Variants in UNC13A observed in about 807,000 individuals in gnomAD.
UNC13A encodes protein unc-13 homolog A.
A neutral mutation model predicts 219.7 loss-of-function variants in UNC13A; 61 were observed. That is an observed-to-expected ratio of 0.28 (90% CI 0.23 to 0.34). UNC13A has a LOEUF of 0.34. UNC13A is among the 10% of genes least tolerant of loss of function. The pLI, the probability that UNC13A is intolerant of heterozygous loss-of-function variation, is 1.00. For synonymous variants in UNC13A, 920 were observed against 884.6 expected, an observed-to-expected ratio of 1.04 and a Z score of -0.71; for missense variants, 1,476 against 2,270.3, an observed-to-expected ratio of 0.65 and a Z score of 7.11.
chr19:17,639,580 G>A (rs1403681164), intron 23 of UNC13A, 55 bp from the exon 24 acceptor site: 7 of 1,565,466 alleles, frequency 4.5e-6, no homozygotes, highest in African/African-American at 2.7e-5. Context: ...GGGAGGATGG[G>A]AGACTGCTTT....
rs575704007 is a variant in UNC13A at position 17,627,355 on chromosome 19, T to A, written c.3920+154A>T. ...AGTGACTCACCCAAGGCCACACAGC[T>A]AGTAAGCAGTAAAGCCAAGATTTGA... On this transcript the variant is annotated intron_variant, in intron 33 of 43. Coordinates refer to ENST00000519716, the MANE Select transcript of UNC13A (RefSeq NM_001080421.3). This position sits in a 1 kb window ranked among gnomAD's most constrained non-coding sequence, Gnocchi z 4.7. Among the ~76,000 whole-genome samples the A allele has an allele frequency of 6.6e-6, 1 of 151,810 alleles. No individual in the cohort carries two copies. The highest frequency in any genetic ancestry group is 2.1e-4 in the South Asian group (1 of 4,818).
At chr19:17,640,965 G>GC (rs1599365538) in intron 21 of UNC13A, among the ~76,000 whole-genome samples, 1 of 146,504 alleles carries the variant, frequency 6.8e-6, no homozygotes, top group South Asian at 2.1e-4. Context: ...TGCAACCCCT[G>GC]CCCCCCAGGT....
chr19:17,682,659 A>G (rs527258949), intron 1 of UNC13A, among the ~76,000 whole-genome samples: 2 of 152,208 alleles, frequency 1.3e-5, no homozygotes, highest in Non-Finnish European at 2.9e-5. Flanking sequence ...TCAGGGACTG[A>G]GTAGCCAGGA....
intron 28 of UNC13A, among the ~76,000 whole-genome samples, chr19:17,631,025 C>T (rs2076837716): frequency 8.0e-6 from 1 of 125,016 alleles, no homozygotes; most frequent in Non-Finnish European, 1.7e-5. Context: ...TGGGTTTATT[C>T]TCTGAGTCCT....
intron 1 of UNC13A, among the ~76,000 whole-genome samples, chr19:17,683,857 G>A (rs1467297804): frequency 6.6e-6 from 1 of 152,122 alleles, no homozygotes; most frequent in Non-Finnish European, 1.5e-5. Flanking sequence ...GGGAGGCTGA[G>A]GAGGGTGAAT....
chr19:17,627,619 C>CA lies in UNC13A; in HGVS notation c.3832-23dup. ...CCAGCTAAGGAGGGAGAAGGGACAC[C>CA]AGGCCAGGTTCAGTAAGTATCCACA... is the stretch of plus-strand genomic sequence containing the variant. On this transcript the variant is annotated intron_variant, in intron 32 of 43. Coordinates refer to ENST00000519716, the MANE Select transcript of UNC13A (RefSeq NM_001080421.3). The surrounding 1 kb of genome is among the most constrained non-coding windows in gnomAD (Gnocchi z 4.7). 2 of 1,545,354 alleles carry CA rather than the reference C, an allele frequency of 1.3e-6. No homozygotes were observed. The highest frequency in any genetic ancestry group is 1.8e-6 in the Non-Finnish European group (2 of 1,139,012).
intron 7 of UNC13A, among the ~76,000 whole-genome samples, chr19:17,666,199 T>TCTCTCTCTCTTTC (rs760106069): frequency 6.9e-6 from 1 of 144,060 alleles, no homozygotes; most frequent in Admixed American, 7.1e-5. Context: ...CTTTCTCTCT[T>TCTCTCTCTCTTTC]TCTTTCTCTT....
chr19:17,672,334 C>G (rs766930575), intron 4 of UNC13A, 44 bp downstream of exon 4: 2 of 1,530,762 alleles, frequency 1.3e-6, no homozygotes, highest in Admixed American at 3.4e-5. Context: ...TGGGCTTCTG[C>G]AAGGCACTCC....
chr19:17,621,187 G>A (rs114880839), intron 37 of UNC13A, among the ~76,000 whole-genome samples: 4 of 152,186 alleles, frequency 2.6e-5, no homozygotes, highest in South Asian at 4.2e-4. Flanking sequence ...TTGCAGGCAC[G>A]TACACAATTA....
intron 1 of UNC13A, among the ~76,000 whole-genome samples, chr19:17,678,019 GA>G (rs1218023043): frequency 6.6e-6 from 1 of 152,146 alleles, no homozygotes; most frequent in African/African-American, 2.4e-5. Flanking sequence ...CCTAGAAACA[GA>G]ATTGTGTTTC....
At chr19:17,640,880 C>CT (rs10531732) in intron 21 of UNC13A, among the ~76,000 whole-genome samples, 8,755 of 139,652 alleles carry the variant, frequency 0.063, 484 homozygotes, top group African/African-American at 0.14. Flanking sequence ...TTCTTTCTTT[C>CT]TTTTTTTTTT....
chr19:17,686,164 C>T (rs1327170430), intron 1 of UNC13A, among the ~76,000 whole-genome samples: 1 of 151,836 alleles, frequency 6.6e-6, no homozygotes, highest in Admixed American at 6.6e-5. Context: ...GTAAAGTCCA[C>T]AGAATCCAGC....
At position 17,609,971 on chromosome 19, in the gene UNC13A, A is replaced by T. The variant is rs1380253191; in HGVS notation, c.4780T>A (p.Trp1594Arg). ...AAGCTCTCATTGTACTTGGGAGCCCAGCTATTGTTCTTGGATTTGGTCGCA... is the reference window on the plus strand; with the variant it reads ...AAGCTCTCATTGTACTTGGGAGCCCTGCTATTGTTCTTGGATTTGGTCGCA... ...KFATKSKNNS[W>R]APKYNESFQF... Residue 1594 changes from tryptophan (W) to arginine (R), a missense_variant, in exon 43 of 44, where the codon TGG (tryptophan) becomes AGG (arginine). This residue lies in a region of UNC13A where 187 missense variants were observed against 172.3 expected (regional missense o/e 1.09). Coordinates refer to ENST00000519716, the MANE Select transcript of UNC13A (RefSeq NM_001080421.3). 1 of 1,613,888 alleles carries T rather than the reference A, an allele frequency of 6.2e-7. No homozygotes were observed. Among genetic ancestry groups the T allele is most frequent in the Non-Finnish European group, 8.5e-7 (1 of 1,179,880 alleles).
intron 16 of UNC13A, 28 bp from the exon 17 acceptor site, chr19:17,647,520 C>T: frequency 6.3e-7 from 1 of 1,598,454 alleles, no homozygotes; most frequent in Non-Finnish European, 8.5e-7. Context: ...CGGCGCTGAC[C>T]CCAGCGCGCC....
chr19:17,612,817 C>G (rs1257866691), intron 41 of UNC13A, among the ~76,000 whole-genome samples: 1 of 152,044 alleles, frequency 6.6e-6, no homozygotes. Context: ...TGCACTTCAA[C>G]CTGGGTGACA....
intron 42 of UNC13A, among the ~76,000 whole-genome samples, chr19:17,610,849 T>C (rs765768687): frequency 1.2e-4 from 18 of 152,088 alleles, no homozygotes; most frequent in Non-Finnish European, 1.8e-4. Context: ...GATACCATAG[T>C]GAGACACCAT....
chr19:17,627,319 C>T lies in UNC13A; in HGVS notation c.3920+190G>A, dbSNP rs1453103115. Among the ~76,000 whole-genome samples, 2 of 152,034 alleles carry T rather than the reference C, an allele frequency of 1.3e-5. No homozygotes were observed. Among genetic ancestry groups the T allele is most frequent in the Non-Finnish European group, 2.9e-5 (2 of 68,010 alleles). ...GAGCAATAAAAAAAAAAATAAGGCT[C>T]AGAGAAGTTAAGTGACTCACCCAAG... On this transcript the variant is annotated intron_variant, in intron 33 of 43. Coordinates refer to ENST00000519716, the MANE Select transcript of UNC13A (RefSeq NM_001080421.3). This position sits in a 1 kb window ranked among gnomAD's most constrained non-coding sequence, Gnocchi z 4.7.
At chr19:17,685,633 G>A (rs1366394289) in intron 1 of UNC13A, among the ~76,000 whole-genome samples, 1 of 152,194 alleles carries the variant, frequency 6.6e-6, no homozygotes, top group Non-Finnish European at 1.5e-5. Context: ...GGCAGACTGT[G>A]TCCTATATAC....
chr19:17,632,717 G>A, intron 28 of UNC13A, 65 bp downstream of exon 28: 1 of 1,609,988 alleles, frequency 6.2e-7, no homozygotes, highest in Non-Finnish European at 8.5e-7. Context: ...CTTCCTCTCT[G>A]GCTTTCCTTC....
Sources: allele counts gnomAD v4.1 joint callset (sites outside exome capture counted in the v4.1 genomes callset), GRCh38; gene constraint gnomAD v4.1.1; regional missense constraint gnomAD v4.1.1; non-coding constraint Gnocchi (gnomAD v3.1); transcripts MANE v1.5; gene names NCBI Gene and HGNC (gene_info 2026-07-23, HGNC 2026-07-21).